Variants in GHR observed in about 807,000 individuals in gnomAD.
The protein encoded by GHR is growth hormone receptor.
GHR carries 35 observed loss-of-function variants against 67.1 expected under a neutral mutation model. The ratio of observed to expected loss-of-function variants is 0.52; its 90% CI spans 0.40 to 0.69. The LOEUF is 0.69. Ranked by LOEUF, GHR falls within the 30% of genes least tolerant of loss-of-function variation. The pLI is 0.00. For synonymous variants in GHR, 272 were observed against 269.1 expected, an observed-to-expected ratio of 1.01 and a Z score of -0.10; for missense variants, 792 against 764.6, an observed-to-expected ratio of 1.04 and a Z score of -0.42.
chr5:42,614,559 A>ATTTTTT lies in GHR; in HGVS notation c.71-14452_71-14447dup, dbSNP rs553365880. On this transcript the variant is annotated intron_variant, in intron 2 of 9. Coordinates refer to ENST00000230882, the MANE Select transcript of GHR (RefSeq NM_000163.5). ...GCAAGCTTTATAGGCCATAGAGGAC[A>ATTTTTT]TTTTTTTTTTTTTTTTTTTTTTTTT... 3.4e-3 allele frequency among the ~76,000 whole-genome samples: 221 copies of ATTTTTT among 65,400 alleles called. 22 individuals are homozygous for ATTTTTT. Among genetic ancestry groups the ATTTTTT allele is most frequent in the African/African-American group, 0.013 (208 of 15,832 alleles). The allele number at this position is 65,400 out of a possible 152,430, so 42.9% of individuals were successfully genotyped here. A position where few individuals can be genotyped will look rare whatever the true frequency, so the allele number is the denominator to read the frequency against.
At chr5:42,612,516 G>A (rs1455251337) in intron 2 of GHR, among the ~76,000 whole-genome samples, 1 of 151,992 alleles carries the variant, frequency 6.6e-6, no homozygotes, top group Non-Finnish European at 1.5e-5. Context: ...TAGCATGTGG[G>A]TTGAGACACA....
chr5:42,441,991 G>A (rs188074969), intron 1 of GHR, among the ~76,000 whole-genome samples: 18 of 152,290 alleles, frequency 1.2e-4, no homozygotes, highest in Admixed American at 2.6e-4. Context: ...GCTGGCCTTG[G>A]AGAGGAGAGA....
At chr5:42,635,879 G>A in intron 3 of GHR, among the ~76,000 whole-genome samples, 1 of 151,780 alleles carries the variant, frequency 6.6e-6, no homozygotes, top group African/African-American at 2.4e-5. Flanking sequence ...CTGTTTGTGG[G>A]CATAGGTCTC....
chr5:42,646,324 C>T (rs1489515430), intron 3 of GHR: 1 of 454,452 alleles, frequency 2.2e-6, no homozygotes, highest in African/African-American at 2.0e-5. Flanking sequence ...CCATTCTTCT[C>T]TTTGCAGGAT....
At chr5:42,479,005 G>A (rs1401447800) in intron 1 of GHR, among the ~76,000 whole-genome samples, 2 of 152,152 alleles carry the variant, frequency 1.3e-5, no homozygotes, top group Non-Finnish European at 2.9e-5. Flanking sequence ...CATTCAGTAT[G>A]ATATTGGCTG....
intron 1 of GHR, among the ~76,000 whole-genome samples, chr5:42,521,403 A>G (rs1747468300): frequency 1.3e-5 from 2 of 152,228 alleles, no homozygotes; most frequent in African/African-American, 2.4e-5. Flanking sequence ...CTATGAAGCC[A>G]TAATTGCTTA....
intron 1 of GHR, among the ~76,000 whole-genome samples, chr5:42,509,442 G>A (rs1746918692): frequency 1.3e-5 from 2 of 152,084 alleles, no homozygotes; most frequent in Admixed American, 6.5e-5. Context: ...CTATTTCACT[G>A]CAAAAAGCCC....
Position 42,687,495 on chromosome 5 carries a change from G to T in GHR, c.137-1395G>T, listed in dbSNP as rs6882441. ...GACAAGGACCAACTTTTATCAACTT[G>T]TTCATTTCTCTATTCCTAGAACACA... is the stretch of plus-strand genomic sequence containing the variant. On this transcript the variant is annotated intron_variant, in intron 3 of 9. Transcript: ENST00000230882. Among the ~76,000 whole-genome samples, 449 of 152,240 alleles carry T rather than the reference G, an allele frequency of 2.9e-3. 5 individuals are homozygous for T. The highest frequency in any genetic ancestry group is 9.5e-3 in the African/African-American group (396 of 41,534).
intron 3 of GHR, among the ~76,000 whole-genome samples, chr5:42,648,604 T>C (rs147656832): frequency 4.6e-4 from 70 of 152,130 alleles, no homozygotes; most frequent in African/African-American, 1.7e-3. Flanking sequence ...ATATCGGAAA[T>C]CTGGGAATTC....
At chr5:42,468,711 G>A (rs1744854299) in intron 1 of GHR, 1 of 973,092 alleles carries the variant, frequency 1.0e-6, no homozygotes, top group Non-Finnish European at 1.6e-6. Context: ...AGCCTGAGCT[G>A]CCGCTCTTGG....
intron 3 of GHR, among the ~76,000 whole-genome samples, chr5:42,671,337 GTC>G (rs1479385199): frequency 4.6e-5 from 7 of 151,736 alleles, no homozygotes; most frequent in African/African-American, 1.7e-4. Context: ...AAACAATCAG[GTC>G]TCACAAGTAC....
At chr5:42,500,578 T>C (rs1213166136) in intron 1 of GHR, among the ~76,000 whole-genome samples, 1 of 152,240 alleles carries the variant, frequency 6.6e-6, no homozygotes, top group Non-Finnish European at 1.5e-5. Flanking sequence ...AATCTGATTT[T>C]TTCACACTTA....
chr5:42,555,694 C>G (rs980019517), intron 1 of GHR, among the ~76,000 whole-genome samples: 1 of 152,122 alleles, frequency 6.6e-6, no homozygotes, highest in African/African-American at 2.4e-5. Flanking sequence ...ACCTGGCACA[C>G]TTATTTTTTG....
rs528720240 is a variant in GHR, at chr5:42,569,758, ATATGTATATAG to A, written c.70+3818_70+3828del. Among the ~76,000 whole-genome samples the A allele has an allele frequency of 7.4e-3, 1,121 of 152,238 alleles. 9 individuals are homozygous for A. Among genetic ancestry groups the A allele is most frequent in the African/African-American group, 0.026 (1,070 of 41,538 alleles). ...ATATACATGTATATATATGTACACT[ATATGTATATAG>A]TATATGTATGTGCACACCAGTGAGG... On this transcript the variant is annotated intron_variant, in intron 2 of 9. Transcript: ENST00000230882.
At chr5:42,709,820 G>T (rs150414323) in intron 6 of GHR, among the ~76,000 whole-genome samples, 99 of 152,144 alleles carry the variant, frequency 6.5e-4, no homozygotes, top group African/African-American at 2.4e-3. Context: ...ACAGTTCCCC[G>T]CACAGGCAGA....
chr5:42,712,869 T>A (rs1758530451), intron 7 of GHR, among the ~76,000 whole-genome samples: 1 of 150,720 alleles, frequency 6.6e-6, no homozygotes, highest in African/African-American at 2.4e-5. Context: ...TTATTATATT[T>A]TAATAATTTA....
intron 2 of GHR, among the ~76,000 whole-genome samples, chr5:42,599,013 T>C (rs886205138): frequency 6.6e-6 from 1 of 152,240 alleles, no homozygotes; most frequent in African/African-American, 2.4e-5. Flanking sequence ...TAAAGTCATA[T>C]TATCTGGCAC....
At chr5:42,550,394 C>G (rs1369411214) in intron 1 of GHR, among the ~76,000 whole-genome samples, 7 of 152,172 alleles carry the variant, frequency 4.6e-5, no homozygotes. Flanking sequence ...CAAGGTTCCC[C>G]TGGGCCCCAT....
At chr5:42,624,680 T>C (rs181579117) in intron 2 of GHR, among the ~76,000 whole-genome samples, 238 of 152,366 alleles carry the variant, frequency 1.6e-3, no homozygotes, top group African/African-American at 5.4e-3. Context: ...AATTTTTTTC[T>C]TCCTTTGAAC....
Sources: gnomAD v4.1 joint callset for allele counts (sites outside exome capture counted in the v4.1 genomes callset) on GRCh38, gnomAD v4.1.1 for gene constraint, MANE v1.5 for transcripts, NCBI Gene and HGNC (gene_info 2026-07-23, HGNC 2026-07-21) for gene names.